Variants in UBE4B observed in about 807,000 individuals in gnomAD.
UBE4B encodes ubiquitin conjugation factor E4 B.
A neutral mutation model predicts 148.1 loss-of-function variants in UBE4B; 27 were observed. That is an observed-to-expected ratio of 0.18 (90% CI 0.13 to 0.25). The LOEUF (loss-of-function observed/expected upper bound fraction) is 0.25, where lower values mean the gene tolerates loss of function less well. Among genes scored for constraint, UBE4B ranks in the 10% least tolerant of loss-of-function variants. UBE4B has a pLI of 1.00. For missense variants in UBE4B, 1,170 were observed against 1,662.4 expected, an observed-to-expected ratio of 0.70 and a Z score of 5.15; for synonymous variants, 596 against 619.3, an observed-to-expected ratio of 0.96 and a Z score of 0.56.
Position 10,161,285 on chromosome 1 carries a change from G to A in UBE4B, c.3197G>A (p.Arg1066Gln), listed in dbSNP as rs753259261. The change falls in exon 23 of 28, where the codon CGG becomes CAG. Residue 1066 changes from arginine to glutamine, a missense_variant and splice_region_variant. This residue lies in a region of UBE4B where 348 missense variants were observed against 627.2 expected (regional missense o/e 0.55). Coordinates refer to ENST00000343090, the MANE Select transcript of UBE4B (RefSeq NM_001105562.3). The surrounding 1 kb of genome is among the most constrained non-coding windows in gnomAD (Gnocchi z 4.1). The part of the protein sequence containing the change: ...KNKEQWDQLP[R>Q]DQQQARQSQL... ...AAAGAACAGTGGGACCAGTTGCCCC[G>A]GGTGAGGACGTGGTCCAGAGGCTTG... is the stretch of plus-strand genomic sequence containing the variant. The A allele has an allele frequency of 1.4e-5, 22 of 1,613,806 alleles. No homozygotes were observed. The highest frequency in any genetic ancestry group is 1.2e-4 in the Admixed American group (7 of 59,968).
At chr1:10,103,632 G>GTTTTTTTTTTTTTTTT (rs1186811301) in intron 5 of UBE4B, among the ~76,000 whole-genome samples, 1 of 106,506 alleles carries the variant, frequency 9.4e-6, no homozygotes, top group Non-Finnish European at 2.0e-5. Flanking sequence ...TTTTGTTTTT[G>GTTTTTTTTTTTTTTTT]TTTTTTTTTT....
chr1:10,047,220 AAAT>A (rs1643930661), intron 1 of UBE4B, among the ~76,000 whole-genome samples: 2 of 152,330 alleles, frequency 1.3e-5, no homozygotes, highest in East Asian at 3.9e-4. Flanking sequence ...CAGAGGTCGG[AAAT>A]AATAATGGCT....
chr1:10,121,904 C>A, intron 9 of UBE4B, 58 bp from the exon 10 acceptor site: 1 of 1,135,296 alleles, frequency 8.8e-7, no homozygotes, highest in Non-Finnish European at 1.3e-6. Context: ...CATGACATTT[C>A]ACGTGCCTCT....
At chr1:10,147,222 G>T in intron 19 of UBE4B, 132 bp downstream of exon 19, 5 of 1,406,582 alleles carry the variant, frequency 3.6e-6, no homozygotes, top group Non-Finnish European at 4.8e-6. Context: ...AAGGCGCAGT[G>T]GTTCACGCCT....
intron 21 of UBE4B, among the ~76,000 whole-genome samples, chr1:10,155,589 C>T (rs1362316177): frequency 6.6e-6 from 1 of 152,210 alleles, no homozygotes; most frequent in Non-Finnish European, 1.5e-5. Flanking sequence ...TCATCACCTC[C>T]ATGTGAAGAC....
At chr1:10,175,266 T>G (rs994840851) in intron 25 of UBE4B, among the ~76,000 whole-genome samples, 5 of 152,128 alleles carry the variant, frequency 3.3e-5, no homozygotes, top group African/African-American at 1.2e-4. Context: ...GCCAGTTCCA[T>G]GGACAGACTG....
intron 5 of UBE4B, among the ~76,000 whole-genome samples, chr1:10,104,095 G>C (rs1463510413): frequency 6.6e-6 from 1 of 152,172 alleles, no homozygotes; most frequent in Non-Finnish European, 1.5e-5. Flanking sequence ...ATAGTGGGTG[G>C]TCTCCAGGGA....
At chr1:10,146,151 A>G (rs557456662) in intron 18 of UBE4B, among the ~76,000 whole-genome samples, 1 of 152,064 alleles carries the variant, frequency 6.6e-6, no homozygotes, top group Non-Finnish European at 1.5e-5. Flanking sequence ...TTTCAAGGGG[A>G]TCTATAAACT....
chr1:10,137,921 C>CTTTTTTTTTTTTTTTTT (rs70998351), intron 17 of UBE4B, among the ~76,000 whole-genome samples: 5 of 66,984 alleles, frequency 7.5e-5, no homozygotes, highest in Non-Finnish European at 9.8e-5. Flanking sequence ...CTTACTAATT[C>CTTTTTTTTTTTTTTTTT]TTTTTTTTTT....
chr1:10,157,683 CAGG>C (rs1456889501), intron 21 of UBE4B, among the ~76,000 whole-genome samples: 2 of 151,996 alleles, frequency 1.3e-5, no homozygotes, highest in African/African-American at 4.8e-5. Context: ...GAGGCTGAGG[CAGG>C]AGAATTGCTT....
At chr1:10,141,747 A>C (rs1007905524) in intron 17 of UBE4B, among the ~76,000 whole-genome samples, 1 of 152,166 alleles carries the variant, frequency 6.6e-6, no homozygotes, top group Non-Finnish European at 1.5e-5. Context: ...ATTACCCTGC[A>C]AGGTGACTAT....
chr1:10,052,413 A>G (rs892971276), intron 1 of UBE4B, among the ~76,000 whole-genome samples: 1 of 152,194 alleles, frequency 6.6e-6, no homozygotes, highest in African/African-American at 2.4e-5. Flanking sequence ...TAGATGAGGT[A>G]GCACACTGCT....
Position 10,178,750 on chromosome 1 carries a change from T to C in UBE4B, c.3632T>C (p.Val1211Ala), listed in dbSNP as rs761275193. ...IEKFKLLAEK[V>A]EEIVAKNARA... Reference sequence around the variant, plus strand: ...AAATTTAAGCTGCTCGCCGAGAAAGTGGAGGAGATAGTGGCCAAGAACGCA... The same window carrying C: ...AAATTTAAGCTGCTCGCCGAGAAAGCGGAGGAGATAGTGGCCAAGAACGCA... The change falls in exon 26 of 28, where the codon GTG becomes GCG. Residue 1211 changes from valine to alanine, a missense_variant. By Grantham distance (64) the Val-to-Ala change is moderately conservative. This residue lies in a region of UBE4B where 348 missense variants were observed against 627.2 expected (regional missense o/e 0.55). Coordinates refer to ENST00000343090, the MANE Select transcript of UBE4B (RefSeq NM_001105562.3). 27 of 1,611,348 alleles carry C rather than the reference T, an allele frequency of 1.7e-5. No homozygotes were observed. The highest frequency in any genetic ancestry group is 2.1e-5 in the Non-Finnish European group (25 of 1,178,972).
chr1:10,119,547 G>A lies in UBE4B; in HGVS notation c.1373G>A (p.Ser458Asn). The A allele has an allele frequency of 6.2e-7, 1 of 1,613,788 alleles. No homozygotes were observed. The highest frequency in any genetic ancestry group is 8.5e-7 in the Non-Finnish European group (1 of 1,179,780). ...CAGCCAGCAGTCAGCCAGCTTCTGA[G>A]CAACATCCGCTCACAGTGCATATCC... ...CSQPAVSQLL[S>N]NIRSQCISHT... Residue 458 changes from serine to asparagine, a missense_variant, in exon 9 of 28, where the codon AGC becomes AAC. By Grantham distance (46) the Ser-to-Asn change is conservative. Coordinates refer to ENST00000343090, the MANE Select transcript of UBE4B (RefSeq NM_001105562.3).
chr1:10,062,828 T>C (rs1448930807), intron 1 of UBE4B, among the ~76,000 whole-genome samples: 2 of 151,104 alleles, frequency 1.3e-5, no homozygotes, highest in Non-Finnish European at 1.5e-5. Context: ...TGGTGGCACA[T>C]GCCTGTAATC....
rs773639277 is a variant in UBE4B, at chr1:10,161,105, A to T, written c.3054-37A>T. The T allele has an allele frequency of 6.3e-6, 10 of 1,599,136 alleles. No individual in the cohort carries two copies. Among genetic ancestry groups the T allele is most frequent in the Middle Eastern group, 1.7e-4 (1 of 6,008 alleles). On this transcript the variant is annotated intron_variant, in intron 22 of 27. Coordinates refer to ENST00000343090, the MANE Select transcript of UBE4B (RefSeq NM_001105562.3). This position sits in a 1 kb window ranked among gnomAD's most constrained non-coding sequence, Gnocchi z 4.1. ...TTTGCTGTGGCATTTTGCTTCAGGG[A>T]GATGTATGACCATGTACAATATAAT...
chr1:10,053,360 A>G (rs1406020130), intron 1 of UBE4B, among the ~76,000 whole-genome samples: 2 of 152,042 alleles, frequency 1.3e-5, no homozygotes, highest in African/African-American at 4.8e-5. Context: ...TGTGGTAGCC[A>G]GGGTAGTCTC....
chr1:10,056,634 T>C (rs1187611083), intron 1 of UBE4B, among the ~76,000 whole-genome samples: 1 of 152,216 alleles, frequency 6.6e-6, no homozygotes, highest in Admixed American at 6.5e-5. Flanking sequence ...AAATATTTTG[T>C]CACTTTCTTA....
chr1:10,151,097 A>T (rs1645968030), intron 20 of UBE4B, among the ~76,000 whole-genome samples: 1 of 150,988 alleles, frequency 6.6e-6, no homozygotes, highest in Non-Finnish European at 1.5e-5. Flanking sequence ...TGGGAGGCGG[A>T]GCTTGCAGTG....
Sources: gnomAD v4.1 joint callset for allele counts (sites outside exome capture counted in the v4.1 genomes callset) on GRCh38, gnomAD v4.1.1 for gene constraint, gnomAD v4.1.1 regional missense constraint, Gnocchi (gnomAD v3.1) non-coding constraint, MANE v1.5 for transcripts, NCBI Gene and HGNC (gene_info 2026-07-23, HGNC 2026-07-21) for gene names.